CTNNA3: variants seen among roughly 807,000 people sequenced by gnomAD.
The protein encoded by CTNNA3 is catenin alpha 3.
In CTNNA3, 76 loss-of-function variants were observed where a neutral mutation model predicts 95.7. The observed-to-expected ratio is 0.79, with a 90% CI of 0.66 to 0.96. CTNNA3 has a LOEUF of 0.96. Among genes scored for constraint, CTNNA3 ranks in the 40% least tolerant of loss-of-function variants. The probability of loss-of-function intolerance (pLI) is 0.00; values close to 1 mark genes in which losing one functional copy is unlikely to be tolerated. For synonymous variants in CTNNA3, 431 were observed against 374.4 expected (o/e 1.15, Z -1.74); for missense variants, 1,191 against 1,089.8 (o/e 1.09, Z -1.31).
At chr10:66,309,425 G>A (rs924891307) in intron 12 of CTNNA3, among the ~76,000 whole-genome samples, 8 of 152,032 alleles carry the variant, frequency 5.3e-5, no homozygotes, top group Non-Finnish European at 1.0e-4. Flanking sequence ...GGGTGCAGTG[G>A]CTCACGCCTG....
chr10:67,163,004 G>A (rs954213692), intron 7 of CTNNA3, among the ~76,000 whole-genome samples: 5 of 151,794 alleles, frequency 3.3e-5, no homozygotes, highest in Non-Finnish European at 5.9e-5. Context: ...AAAAACTCCT[G>A]GAAAAGAAAT....
chr10:66,067,059 C>G (rs1287723513), intron 15 of CTNNA3, among the ~76,000 whole-genome samples: 1 of 152,076 alleles, frequency 6.6e-6, no homozygotes, highest in Non-Finnish European at 1.5e-5. Context: ...AAGTTTTTCT[C>G]TGATTTTTTT....
intron 7 of CTNNA3, among the ~76,000 whole-genome samples, chr10:66,804,741 A>G (rs1431476198): frequency 6.6e-6 from 1 of 152,018 alleles, no homozygotes; most frequent in Non-Finnish European, 1.5e-5. Flanking sequence ...ATTAAAGCTC[A>G]ATTTTTAGAG....
At chr10:66,482,805 AAC>A (rs1839584976) in intron 11 of CTNNA3, among the ~76,000 whole-genome samples, 1 of 152,168 alleles carries the variant, frequency 6.6e-6, no homozygotes, top group Non-Finnish European at 1.5e-5. Flanking sequence ...TTGGTATAAA[AAC>A]ACAGCTCAGT....
intron 14 of CTNNA3, among the ~76,000 whole-genome samples, chr10:66,077,471 A>T (rs911475593): frequency 2.0e-5 from 3 of 151,942 alleles, no homozygotes; most frequent in Admixed American, 6.6e-5. Context: ...CTGAAAGTCC[A>T]ATGCTGGATT....
At chr10:66,979,232 T>C (rs1355718008) in intron 7 of CTNNA3, among the ~76,000 whole-genome samples, 1 of 152,044 alleles carries the variant, frequency 6.6e-6, no homozygotes, top group Non-Finnish European at 1.5e-5. Flanking sequence ...CCTCCCAAAG[T>C]GCTGGGATTA....
chr10:66,351,063 A>C (rs1201395116), intron 12 of CTNNA3, among the ~76,000 whole-genome samples: 1 of 152,074 alleles, frequency 6.6e-6, no homozygotes, highest in Admixed American at 6.6e-5. Context: ...AACAAAAACA[A>C]AAACAAAAGT....
chr10:66,772,851 G>T (rs1467704167), intron 8 of CTNNA3, among the ~76,000 whole-genome samples: 1 of 152,114 alleles, frequency 6.6e-6, no homozygotes, highest in East Asian at 1.9e-4. Flanking sequence ...TGAATGGGCA[G>T]GAAGATGGGC....
At chr10:66,147,389 T>C (rs919047779) in intron 13 of CTNNA3, among the ~76,000 whole-genome samples, 1 of 152,148 alleles carries the variant, frequency 6.6e-6, no homozygotes, top group African/African-American at 2.4e-5. Context: ...TTTTACCACT[T>C]GTCCTCCTTT....
rs535075749 is a variant in CTNNA3, at chr10:66,070,479, C to T, written c.1978-990G>A. ...TTAAATGTTCAAATTACAATAGCTCCAGATAGGTTCAACTGGTGCTTCTCT... is the reference window on the plus strand; with the variant it reads ...TTAAATGTTCAAATTACAATAGCTCTAGATAGGTTCAACTGGTGCTTCTCT... On this transcript the variant is annotated intron_variant, in intron 14 of 17. Transcript: ENST00000433211. 2.3e-4 allele frequency among the ~76,000 whole-genome samples: 35 copies of T among 152,238 alleles called. 1 individual carries two copies. The South Asian group carries it at 7.3e-3, about 32-fold the overall frequency.
intron 6 of CTNNA3, among the ~76,000 whole-genome samples, chr10:67,192,094 A>G (rs1043479400): frequency 1.3e-5 from 2 of 151,992 alleles, no homozygotes; most frequent in African/African-American, 2.4e-5. Context: ...TGAAATGGAT[A>G]AAAGACATAA....
intron 7 of CTNNA3, among the ~76,000 whole-genome samples, chr10:66,863,424 C>T (rs1844033554): frequency 6.6e-6 from 1 of 151,866 alleles, no homozygotes; most frequent in Non-Finnish European, 1.5e-5. Context: ...TGCAATAATC[C>T]AGGCAAGAGA....
At chr10:66,101,346 A>G (rs968349851) in intron 14 of CTNNA3, among the ~76,000 whole-genome samples, 2 of 152,202 alleles carry the variant, frequency 1.3e-5, no homozygotes, top group Non-Finnish European at 2.9e-5. Context: ...ACCAAATACT[A>G]TCTGTCTGGC....
chr10:66,965,745 CTCAG>C (rs752289210), intron 7 of CTNNA3, among the ~76,000 whole-genome samples: 14 of 151,966 alleles, frequency 9.2e-5, no homozygotes, highest in Non-Finnish European at 1.8e-4. Context: ...TATTTCTTTG[CTCAG>C]TCAAAGGCCG....
intron 9 of CTNNA3, among the ~76,000 whole-genome samples, chr10:66,732,524 T>C (rs1015929717): frequency 1.3e-5 from 2 of 152,004 alleles, no homozygotes; most frequent in African/African-American, 4.8e-5. Flanking sequence ...CTTACAATGA[T>C]GGTGGAAGGA....
chr10:67,405,516 C>T (rs1845106385), intron 5 of CTNNA3, among the ~76,000 whole-genome samples: 2 of 152,114 alleles, frequency 1.3e-5, no homozygotes, highest in Admixed American at 6.5e-5. Context: ...TATATGTGCA[C>T]CCAAAACAGG....
At chr10:66,130,425 T>C (rs2083032190) in intron 13 of CTNNA3, among the ~76,000 whole-genome samples, 1 of 143,000 alleles carries the variant, frequency 7.0e-6, no homozygotes, top group African/African-American at 2.5e-5. Flanking sequence ...AATCAGGATC[T>C]GTTTTTTTTT....
intron 2 of CTNNA3, among the ~76,000 whole-genome samples, chr10:67,623,121 C>T (rs1237139801): frequency 6.6e-6 from 1 of 151,952 alleles, no homozygotes; most frequent in African/African-American, 2.4e-5. Flanking sequence ...AGCAAGAGTA[C>T]AAAAAAGAAG....
At chr10:66,730,652 C>A (rs1167483925) in intron 9 of CTNNA3, among the ~76,000 whole-genome samples, 1 of 152,168 alleles carries the variant, frequency 6.6e-6, no homozygotes, top group Admixed American at 6.5e-5. Flanking sequence ...TTCCCCTGAT[C>A]TCTTCCTATG....
Sources: gnomAD v4.1 joint callset for allele counts (sites outside exome capture counted in the v4.1 genomes callset) on GRCh38, gnomAD v4.1.1 for gene constraint, MANE v1.5 for transcripts, NCBI Gene and HGNC (gene_info 2026-07-23, HGNC 2026-07-21) for gene names.